RPP14: variants seen among roughly 807,000 people sequenced by gnomAD.
RPP14 encodes ribonuclease P/MRP subunit p14.
A neutral mutation model predicts 17.8 loss-of-function variants in RPP14; 19 were observed. That is an observed-to-expected ratio of 1.07 (90% CI 0.74 to 1.57). The LOEUF (loss-of-function observed/expected upper bound fraction) is 1.57. Among genes scored for constraint, RPP14 ranks in the 40% most tolerant of loss-of-function variants. The probability of loss-of-function intolerance (pLI) is 0.00; values close to 1 mark genes in which losing one functional copy is unlikely to be tolerated. For synonymous variants in RPP14, 60 were observed against 56.4 expected (o/e 1.06, Z -0.29); for missense variants, 125 against 140.8 (o/e 0.89, Z 0.57).
rs765635205 is a variant in RPP14, at chr3:58,317,001, C to T, written c.318+8C>T. 1.0e-5 allele frequency: 16 copies of T among 1,604,332 alleles called. No individual in the cohort carries two copies. Among genetic ancestry groups the T allele is most frequent in the Non-Finnish European group, 1.2e-5 (14 of 1,171,514 alleles). The stretch of plus-strand genomic sequence containing the variant: ...GCTTTCCGGGTGATTCAGGTAAAGA[C>T]TATTCCCTCACATATTCCAAACAAG... On this transcript the variant is annotated splice_region_variant and intron_variant, in intron 5 of 5. Coordinates refer to ENST00000295959, the MANE Select transcript of RPP14 (RefSeq NM_007042.6).
chr3:58,319,558 T>G lies in RPP14; in HGVS notation c.*2062T>G, dbSNP rs1013731626. On this transcript the variant is annotated 3_prime_UTR_variant, in exon 6 of 6. Transcript: ENST00000295959. ...TATTAGTGTTCTTAAGTACAGTTTC[T>G]GTTATAAAAGTTCAGATTATTCCTT... is the stretch of plus-strand genomic sequence containing the variant. The G allele has an allele frequency of 6.6e-6, 1 of 152,162 alleles. No homozygotes were observed. Among genetic ancestry groups the G allele is most frequent in the Admixed American group, 6.5e-5 (1 of 15,272 alleles). 9.4% of individuals were successfully genotyped at this position (152,162 alleles called of 1,614,324 possible).
At chr3:58,314,675 A>ATT (rs751757663) in intron 3 of RPP14, among the ~76,000 whole-genome samples, 2,730 of 90,534 alleles carry the variant, frequency 0.03, 125 homozygotes, top group African/African-American at 0.08. Context: ...GTTTGGCAGT[A>ATT]TTTTTTTTTT....
chr3:58,317,693 C>T lies in RPP14; in HGVS notation c.*197C>T. On this transcript the variant is annotated 3_prime_UTR_variant, in exon 6 of 6. Coordinates refer to ENST00000295959, the MANE Select transcript of RPP14 (RefSeq NM_007042.6). Reference sequence around the variant, plus strand: ...GTCTGTCTGAACCTGCCAGTGCTGACCCTGCAGCACTTTCAGCATATGCAC... The same window carrying T: ...GTCTGTCTGAACCTGCCAGTGCTGATCCTGCAGCACTTTCAGCATATGCAC... The T allele has an allele frequency of 1.4e-6, 1 of 704,580 alleles. No homozygotes were observed. The highest frequency in any genetic ancestry group is 2.6e-6 in the Non-Finnish European group (1 of 385,368). The allele number at this position is 704,580 out of a possible 1,614,324, so 43.6% of individuals were successfully genotyped here. A position where few individuals can be genotyped will look rare whatever the true frequency, so the allele number is the denominator to read the frequency against.
intron 3 of RPP14, among the ~76,000 whole-genome samples, chr3:58,312,110 T>A (rs2097482889): frequency 1.3e-5 from 2 of 152,150 alleles, no homozygotes; most frequent in South Asian, 4.1e-4. Flanking sequence ...TGCCTTGGCC[T>A]CCCAAAGCAC....
In RPP14 at chr3:58,318,062, A is replaced by G; in HGVS notation, c.*566A>G. The G allele has an allele frequency of 1.5e-6, 1 of 688,988 alleles. No homozygotes were observed. 42.7% of individuals were successfully genotyped at this position (688,988 alleles called of 1,614,324 possible). On this transcript the variant is annotated 3_prime_UTR_variant, in exon 6 of 6. Transcript: ENST00000295959. ...GTGTCATGTTCTGTAATAGAAAGTAAAAAGACTGTTATGGAAGGCTGGGTT... is the reference window on the plus strand; with the variant it reads ...GTGTCATGTTCTGTAATAGAAAGTAGAAAGACTGTTATGGAAGGCTGGGTT...
rs144368271 is a variant in RPP14, at chr3:58,311,407, G to C, written c.162+816G>C. Reference sequence around the variant, plus strand: ...TGACCTCAGGTGATCCACGCGCCTTGGGCTCCCAAAGTGCTGGATTACAGG... The same window carrying C: ...TGACCTCAGGTGATCCACGCGCCTTCGGCTCCCAAAGTGCTGGATTACAGG... On this transcript the variant is annotated intron_variant, in intron 3 of 5. Coordinates refer to ENST00000295959, the MANE Select transcript of RPP14 (RefSeq NM_007042.6). Among the ~76,000 whole-genome samples the C allele has an allele frequency of 5.3e-5, 8 of 152,264 alleles. No homozygotes were observed. The South Asian group carries it at 1.7e-3, about 32-fold the overall frequency.
chr3:58,314,350 C>A (rs2097485901), intron 3 of RPP14, among the ~76,000 whole-genome samples: 1 of 151,542 alleles, frequency 6.6e-6, no homozygotes, highest in South Asian at 2.1e-4. Flanking sequence ...GACTCTGTCT[C>A]AAAAAAATAA....
chr3:58,315,127 C>T (rs527331293), intron 3 of RPP14, among the ~76,000 whole-genome samples: 2 of 152,152 alleles, frequency 1.3e-5, no homozygotes, highest in Admixed American at 1.3e-4. Flanking sequence ...TTTTTAATAA[C>T]AATGAAACTG....
In RPP14 at chr3:58,317,481, A is replaced by G; in HGVS notation, c.360A>G (p.Glu120=). The G allele has an allele frequency of 1.3e-6, 2 of 1,591,662 alleles. No homozygotes were observed. Among genetic ancestry groups the G allele is most frequent in the Non-Finnish European group, 1.7e-6 (2 of 1,160,974 alleles). Residue 120 remains glutamate (E), a synonymous_variant, in exon 6 of 6, where the codon GAA becomes GAG. Coordinates refer to ENST00000295959, the MANE Select transcript of RPP14 (RefSeq NM_007042.6). ...FLLALSGNSR[E]LVLD is the part of the protein sequence containing the mutation. Reference sequence around the variant, plus strand: ...TTGCATTATCTGGTAATAGTAGGGAACTAGTATTGGATTGAATGAATAGTC... The same window carrying G: ...TTGCATTATCTGGTAATAGTAGGGAGCTAGTATTGGATTGAATGAATAGTC...
At chr3:58,313,668 T>C (rs1399172019) in intron 3 of RPP14, among the ~76,000 whole-genome samples, 1 of 151,932 alleles carries the variant, frequency 6.6e-6, no homozygotes, top group Non-Finnish European at 1.5e-5. Context: ...CAAAACAATT[T>C]GAAAAATTGA....
chr3:58,306,590 C>G (rs532474590), intron 1 of RPP14, 173 bp downstream of exon 1: 1 of 152,140 alleles, frequency 6.6e-6, no homozygotes, highest in African/African-American at 2.4e-5. Context: ...AGAACGTGGC[C>G]GAGAGGCCCG....
In RPP14 at chr3:58,319,337, T is replaced by C. The variant is rs1467961041; in HGVS notation, c.*1841T>C. The C allele has an allele frequency of 1.3e-5, 2 of 152,190 alleles. No individual in the cohort carries two copies. Among genetic ancestry groups the C allele is most frequent in the Non-Finnish European group, 2.9e-5 (2 of 68,046 alleles). The allele number at this position is 152,190 out of a possible 1,614,324, so 9.4% of individuals were successfully genotyped here. On this transcript the variant is annotated 3_prime_UTR_variant, in exon 6 of 6. Transcript: ENST00000295959. ...GTAAACGGTCTGATCTGTAAAATAG[T>C]GGTAGCACATGCCATGTGGGATAGT...
At chr3:58,311,020 T>G (rs2097481645) in intron 3 of RPP14, among the ~76,000 whole-genome samples, 1 of 152,196 alleles carries the variant, frequency 6.6e-6, no homozygotes, top group Admixed American at 6.5e-5. Context: ...TTTTATTCAT[T>G]TATTGTAATA....
chr3:58,313,918 G>C (rs969842597), intron 3 of RPP14, among the ~76,000 whole-genome samples: 1 of 152,248 alleles, frequency 6.6e-6, no homozygotes, highest in African/African-American at 2.4e-5. Flanking sequence ...CTGGTGCAGT[G>C]GCTCATGCCC....
chr3:58,313,242 G>T (rs1308466560), intron 3 of RPP14, among the ~76,000 whole-genome samples: 2 of 152,298 alleles, frequency 1.3e-5, no homozygotes, highest in East Asian at 3.9e-4. Context: ...CTGGGCGACA[G>T]AGCGAGACTC....
Position 58,317,511 on chromosome 3 carries a change from A to G in RPP14, c.*15A>G, listed in dbSNP as rs1490382547. 1 of 1,547,980 alleles carries G rather than the reference A, an allele frequency of 6.5e-7. No individual in the cohort carries two copies. Among genetic ancestry groups the G allele is most frequent in the Non-Finnish European group, 8.9e-7 (1 of 1,124,204 alleles). ...TATTGGATTGAATGAATAGTCTTCC[A>G]TTTTGGAAACGTTCATCCACTCTCA... is the stretch of plus-strand genomic sequence containing the variant. On this transcript the variant is annotated 3_prime_UTR_variant, in exon 6 of 6. Coordinates refer to ENST00000295959, the MANE Select transcript of RPP14 (RefSeq NM_007042.6).
intron 3 of RPP14, among the ~76,000 whole-genome samples, chr3:58,313,632 G>T (rs555689917): frequency 3.9e-5 from 6 of 152,192 alleles, no homozygotes; most frequent in African/African-American, 1.4e-4. Context: ...AGGCCAGCCT[G>T]GGTATCTGGT....
At position 58,318,207 on chromosome 3, in the gene RPP14, T is replaced by C; in HGVS notation, c.*711T>C. 1 of 598,150 alleles carries C rather than the reference T, an allele frequency of 1.7e-6. No individual in the cohort carries two copies. Among genetic ancestry groups the C allele is most frequent in the Non-Finnish European group, 2.9e-6 (1 of 339,154 alleles). 37.1% of individuals were successfully genotyped at this position (598,150 alleles called of 1,614,324 possible). On this transcript the variant is annotated 3_prime_UTR_variant, in exon 6 of 6. Coordinates refer to ENST00000295959, the MANE Select transcript of RPP14 (RefSeq NM_007042.6). The stretch of plus-strand genomic sequence containing the variant: ...ATTGCTGCTCTTTACCAAAGAATGG[T>C]TGATAGGCCCAGAAGCCCATCTTAG...
chr3:58,310,530 G>T lies in RPP14; in HGVS notation c.101G>T (p.Gly34Val). ...VCLEFQDCGV[G>V]LNAAQFKQLL... The stretch of plus-strand genomic sequence containing the variant: ...AGAGAATTTCAAGATTGTGGAGTTG[G>T]ACTGAATGCTGCACAGTTCAAACAG... Residue 34 changes from glycine (G) to valine (V), a missense_variant, in exon 3 of 6, where the codon GGA (glycine) becomes GTA (valine). Coordinates refer to ENST00000295959, the MANE Select transcript of RPP14 (RefSeq NM_007042.6). 1 of 1,611,742 alleles carries T rather than the reference G, an allele frequency of 6.2e-7. No individual in the cohort carries two copies. The highest frequency in any genetic ancestry group is 8.5e-7 in the Non-Finnish European group (1 of 1,179,432).
Sources: allele counts gnomAD v4.1 joint callset (sites outside exome capture counted in the v4.1 genomes callset), GRCh38; gene constraint gnomAD v4.1.1; transcripts MANE v1.5; gene names NCBI Gene and HGNC (gene_info 2026-07-23, HGNC 2026-07-21).